Variants in DNAH11 observed in about 807,000 individuals in gnomAD.
DNAH11 encodes axonemal beta dynein heavy chain 11.
Under a neutral mutation model 526.0 loss-of-function variants are expected in DNAH11, and 442 were observed. The ratio of observed to expected loss-of-function variants is 0.84; its 90% confidence interval spans 0.78 to 0.91. DNAH11 has a LOEUF of 0.91. Among genes scored for constraint, DNAH11 ranks in the 40% least tolerant of loss-of-function variants. The pLI is 0.00. For synonymous variants in DNAH11, 2,461 were observed against 1,935.9 expected, an observed-to-expected ratio of 1.27 and a Z score of -7.12; for missense variants, 6,989 against 5,448.7, an observed-to-expected ratio of 1.28 and a Z score of -8.90.
In DNAH11 at chr7:21,642,884, A is replaced by T. The variant is rs922629383; in HGVS notation, c.4944+3819A>T. ...ATACAAGAGTTGGAATGACAGAGTG[A>T]TAAAATTGGTGTGTCTAGAATGCTG... On this transcript the variant is annotated intron_variant, in intron 28 of 81. Transcript: ENST00000409508. Among the ~76,000 whole-genome samples, 29 of 152,192 alleles carry T rather than the reference A, an allele frequency of 1.9e-4. 1 individual carries two copies. Among genetic ancestry groups the T allele is most frequent in the African/African-American group, 6.8e-4 (28 of 41,450 alleles).
intron 25 of DNAH11, among the ~76,000 whole-genome samples, chr7:21,622,222 G>C (rs1319216808): frequency 6.6e-6 from 1 of 152,096 alleles, no homozygotes; most frequent in Non-Finnish European, 1.5e-5. Context: ...ATTCACAATT[G>C]CTTCAAAGAG....
intron 55 of DNAH11, among the ~76,000 whole-genome samples, chr7:21,767,063 A>G (rs1332992536): frequency 1.3e-5 from 2 of 152,290 alleles, no homozygotes; most frequent in East Asian, 3.9e-4. Context: ...GTGACAAATA[A>G]TTGTCATAAA....
At chr7:21,693,374 A>C (rs967091107) in intron 35 of DNAH11, among the ~76,000 whole-genome samples, 2 of 152,028 alleles carry the variant, frequency 1.3e-5, no homozygotes, top group Non-Finnish European at 2.9e-5. Flanking sequence ...TCAATATGAC[A>C]CTCTTTTGTT....
At chr7:21,809,630 C>G (rs545152423) in intron 63 of DNAH11, among the ~76,000 whole-genome samples, 44 of 151,996 alleles carry the variant, frequency 2.9e-4, no homozygotes, top group Non-Finnish European at 2.8e-4. Flanking sequence ...ATGGTTCAGT[C>G]TCAGCCCACT....
At chr7:21,814,352 T>TAA (rs11449857) in intron 63 of DNAH11, among the ~76,000 whole-genome samples, 2 of 149,122 alleles carry the variant, frequency 1.3e-5, no homozygotes, top group Non-Finnish European at 3.0e-5. Flanking sequence ...TTTATTTATT[T>TAA]TTTTTTTATT....
chr7:21,583,112 A>T (rs1283048039), intron 9 of DNAH11, among the ~76,000 whole-genome samples: 1 of 152,228 alleles, frequency 6.6e-6, no homozygotes, highest in African/African-American at 2.4e-5. Context: ...GAACTGAAAA[A>T]GAGCATGTAT....
At chr7:21,719,475 C>A (rs1490395363) in intron 43 of DNAH11, among the ~76,000 whole-genome samples, 5 of 152,186 alleles carry the variant, frequency 3.3e-5, no homozygotes, top group Admixed American at 1.3e-4. Context: ...TTCATCTCAG[C>A]AGATAGCGTC....
chr7:21,777,400 T>G (rs1368615068), intron 56 of DNAH11, among the ~76,000 whole-genome samples: 1 of 148,660 alleles, frequency 6.7e-6, no homozygotes, highest in Non-Finnish European at 1.5e-5. Flanking sequence ...GTGTACAGGT[T>G]TTTTTTTTTG....
In DNAH11 at chr7:21,720,794, T is replaced by C. The variant is rs899982346; in HGVS notation, c.7204T>C (p.Tyr2402His). Residue 2402 changes from tyrosine to histidine, a missense_variant, in exon 44 of 82, where the codon TAT becomes CAT. Tyr to His is a moderately conservative substitution (Grantham distance 83, BLOSUM62 2). Coordinates refer to ENST00000409508, the MANE Select transcript of DNAH11 (RefSeq NM_001277115.2). Reference protein sequence around the residue: ...NVPSDSPKEVYEVYFVFACIW... With the variant: ...NVPSDSPKEVHEVYFVFACIW... The stretch of plus-strand genomic sequence containing the variant: ...ACCTTCTGACAGCCCAAAAGAAGTT[T>C]ATGAAGTCTATTTTGTATTTGCTTG... 6.2e-6 allele frequency: 10 copies of C among 1,610,984 alleles called. No individual in the cohort carries two copies. Among genetic ancestry groups the C allele is most frequent in the Non-Finnish European group, 8.5e-6 (10 of 1,178,450 alleles).
chr7:21,600,397 G>A (rs1436046559), intron 15 of DNAH11, among the ~76,000 whole-genome samples: 2 of 152,066 alleles, frequency 1.3e-5, no homozygotes, highest in African/African-American at 4.8e-5. Flanking sequence ...GTTAGAGGCT[G>A]CAGTGAGCTA....
At chr7:21,808,083 A>G (rs1789351885) in intron 63 of DNAH11, 34 bp downstream of exon 63, 6 of 1,368,144 alleles carry the variant, frequency 4.4e-6, no homozygotes, top group Non-Finnish European at 5.7e-6. Context: ...CAGCAGGTAG[A>G]AAGATCACAT....
In DNAH11 at chr7:21,725,937, GCTGA is replaced by G. The variant is rs1785083672; in HGVS notation, c.7395_7398del (p.Asp2466LysfsTer40). On this transcript the variant is annotated frameshift_variant, in exon 45 of 82. Transcript: ENST00000409508. LOFTEE classifies it high-confidence loss of function. ...CAAAACTAAGAAATTATTGCCCTGG[GCTGA>G]CAAAATTGCCCAGTTTACTATGGAT... 6.4e-7 allele frequency: 1 copy of G among 1,563,998 alleles called. No individual in the cohort carries two copies. The highest frequency in any genetic ancestry group is 8.7e-7 in the Non-Finnish European group (1 of 1,153,236).
chr7:21,721,691 T>C (rs1193738775), intron 44 of DNAH11, among the ~76,000 whole-genome samples: 1 of 152,168 alleles, frequency 6.6e-6, no homozygotes, highest in African/African-American at 2.4e-5. Flanking sequence ...CATCTAAATC[T>C]AATTATGTCC....
intron 14 of DNAH11, among the ~76,000 whole-genome samples, chr7:21,592,083 A>C (rs939366434): frequency 3.3e-5 from 5 of 152,106 alleles, no homozygotes; most frequent in Non-Finnish European, 5.9e-5. Context: ...CACACACACA[A>C]AAGGCAGAAG....
intron 30 of DNAH11, among the ~76,000 whole-genome samples, chr7:21,674,061 T>A (rs1423421232): frequency 1.4e-5 from 2 of 143,350 alleles, no homozygotes. Context: ...TGTGTGTGTG[T>A]GAGTTTTGTT....
chr7:21,788,546 G>A (rs1202052494), intron 60 of DNAH11, among the ~76,000 whole-genome samples: 1 of 151,996 alleles, frequency 6.6e-6, no homozygotes, highest in Non-Finnish European at 1.5e-5. Context: ...TATAAAATAG[G>A]AAAGAAAATT....
chr7:21,784,609 C>CCT, intron 58 of DNAH11, 69 bp downstream of exon 58: 1 of 1,152,406 alleles, frequency 8.7e-7, no homozygotes, highest in East Asian at 2.6e-5. Flanking sequence ...GTTTGAATAA[C>CCT]TGAGCTGAGA....
chr7:21,626,465 G>A (rs1786338494), intron 25 of DNAH11, among the ~76,000 whole-genome samples: 1 of 152,032 alleles, frequency 6.6e-6, no homozygotes, highest in Non-Finnish European at 1.5e-5. Context: ...TTTCTTTTGG[G>A]TATATACCTA....
chr7:21,813,512 A>G (rs948645326), intron 63 of DNAH11, among the ~76,000 whole-genome samples: 4 of 152,350 alleles, frequency 2.6e-5, no homozygotes, highest in East Asian at 3.9e-4. Flanking sequence ...TTACTGTAAC[A>G]TTAGGAGAAA....
Sources: allele counts gnomAD v4.1 joint callset (sites outside exome capture counted in the v4.1 genomes callset), GRCh38; gene constraint gnomAD v4.1.1; transcripts MANE v1.5; gene names NCBI Gene and HGNC (gene_info 2026-07-23, HGNC 2026-07-21).